Variants in PPP4R3A observed in about 807,000 individuals in gnomAD.
The protein encoded by PPP4R3A is protein phosphatase 4 regulatory subunit 3A.
Under a neutral mutation model 91.7 loss-of-function variants are expected in PPP4R3A, and 15 were observed. The ratio of observed to expected loss-of-function variants is 0.16; its 90% CI spans 0.11 to 0.25. The LOEUF (loss-of-function observed/expected upper bound fraction) is 0.25, where lower values mean the gene tolerates loss of function less well. Among genes scored for constraint, PPP4R3A ranks in the 10% least tolerant of loss-of-function variants. PPP4R3A has a pLI of 1.00. For synonymous variants in PPP4R3A, 377 were observed against 348.7 expected (o/e 1.08, Z -0.91); for missense variants, 623 against 998.4 (o/e 0.62, Z 5.07).
intron 1 of PPP4R3A, among the ~76,000 whole-genome samples, chr14:91,500,043 G>C (rs1029733883): frequency 7.2e-5 from 11 of 152,028 alleles, no homozygotes; most frequent in African/African-American, 2.7e-4. Flanking sequence ...ATTTTTAAAA[G>C]GAAAGGTTTT....
Position 91,462,234 on chromosome 14 carries a change from C to A in PPP4R3A, c.1979G>T (p.Arg660Leu). Reference protein sequence around the residue: ...RQDNPKLDSMRSILRNHRYRR... With the variant: ...RQDNPKLDSMLSILRNHRYRR... ...ATATCTGTGATTCCTCAAAATGGAACGCATACTATGAGTAGGGAAGAAAGA... is the reference window on the plus strand; with the variant it reads ...ATATCTGTGATTCCTCAAAATGGAAAGCATACTATGAGTAGGGAAGAAAGA... Residue 660 changes from arginine (R) to leucine (L), a missense_variant, in exon 13 of 15, where the codon CGT becomes CTT. Physicochemically the swap from Arg to Leu is moderately radical, Grantham distance 102. Coordinates refer to ENST00000554943, the MANE Select transcript of PPP4R3A (RefSeq NM_001366432.2). 5.0e-6 allele frequency: 8 copies of A among 1,584,316 alleles called. No homozygotes were observed. Among genetic ancestry groups the A allele is most frequent in the Admixed American group, 1.9e-5 (1 of 53,464 alleles).
intron 1 of PPP4R3A, among the ~76,000 whole-genome samples, chr14:91,493,367 T>C (rs1328963234): frequency 6.7e-6 from 1 of 150,224 alleles, no homozygotes; most frequent in African/African-American, 2.5e-5. Flanking sequence ...AGGTAGGGCA[T>C]GCCTATAATT....
Position 91,507,404 on chromosome 14 carries a change from T to TTA in PPP4R3A, c.142+2100_142+2101dup, listed in dbSNP as rs1440818961. On this transcript the variant is annotated intron_variant, in intron 1 of 14. Transcript: ENST00000554943. ...ATACTATATAGTATATGTACTATAA[T>TTA]TATATATACTATATAATATATATAC... is the stretch of plus-strand genomic sequence containing the variant. Among the ~76,000 whole-genome samples the TTA allele has an allele frequency of 1.1e-4, 9 of 78,296 alleles. No individual in the cohort carries two copies. The South Asian group carries it at 3.4e-3, about 29-fold the overall frequency. 51.4% of individuals were successfully genotyped at this position (78,296 alleles called of 152,430 possible).
intron 2 of PPP4R3A, among the ~76,000 whole-genome samples, chr14:91,486,143 A>G (rs1053247058): frequency 3.3e-5 from 5 of 151,558 alleles, no homozygotes; most frequent in Non-Finnish European, 5.9e-5. Context: ...TCTTCCCTCT[A>G]TTGTCAGCAG....
In PPP4R3A at chr14:91,462,040, C is replaced by T. The variant is rs2140065502; in HGVS notation, c.2164+9G>A. The T allele has an allele frequency of 1.3e-6, 2 of 1,488,458 alleles. No homozygotes were observed. Among genetic ancestry groups the T allele is most frequent in the Non-Finnish European group, 1.8e-6 (2 of 1,120,014 alleles). 92.2% of individuals were successfully genotyped at this position (1,488,458 alleles called of 1,614,324 possible). On this transcript the variant is annotated intron_variant, in intron 13 of 14. Transcript: ENST00000554943. ...TTAATTTTCTCTTGCCCATTTTTTT[C>T]CAACATACATTTCTTCCTTTCCATG...
rs557743993 is a variant in PPP4R3A at position 91,509,612 on chromosome 14, C to T, written c.36G>A (p.Thr12=). Residue 12 remains threonine (T), a synonymous_variant, in exon 1 of 15, where the codon ACG becomes ACA. Coordinates refer to ENST00000554943, the MANE Select transcript of PPP4R3A (RefSeq NM_001366432.2). ...TDTRRRVKVY[T]LNEDRQWDDR... is the part of the protein sequence containing the mutation. ...CGTCCCACTGCCGGTCCTCGTTGAGCGTGTACACCTTCACCCGCCGCCGGG... is the reference window on the plus strand; with the variant it reads ...CGTCCCACTGCCGGTCCTCGTTGAGTGTGTACACCTTCACCCGCCGCCGGG... The T allele has an allele frequency of 6.2e-7, 1 of 1,602,614 alleles. No homozygotes were observed.
At chr14:91,460,738 A>G (rs761395960) in intron 14 of PPP4R3A, among the ~76,000 whole-genome samples, 8 of 139,506 alleles carry the variant, frequency 5.7e-5, no homozygotes, top group Non-Finnish European at 1.1e-4. Flanking sequence ...CTCCTGCCTC[A>G]GCCTCCAGAG....
intron 1 of PPP4R3A, among the ~76,000 whole-genome samples, chr14:91,507,476 T>TAC (rs1491538493): frequency 3.9e-5 from 5 of 127,574 alleles, no homozygotes; most frequent in Admixed American, 8.4e-5. Flanking sequence ...TTATATATAC[T>TAC]ATAGTTATAT....
chr14:91,496,031 CAACAGATATTTTACA>C (rs1890547912), intron 1 of PPP4R3A, among the ~76,000 whole-genome samples: 2 of 152,110 alleles, frequency 1.3e-5, no homozygotes, highest in African/African-American at 4.8e-5. Context: ...AGAGTAAACA[CAACAGATATTTTACA>C]AACCTGAGTA....
chr14:91,458,389 C>CCATTCTTCTGAGTCTCAA lies in PPP4R3A; in HGVS notation c.*352_*369dup, dbSNP rs1887901846. ...TAGTGAAGAATTATGGCAGAAAGGC[C>CCATTCTTCTGAGTCTCAA]CATTCTTCTGAGTCTCAAACATGGT... On this transcript the variant is annotated 3_prime_UTR_variant, in exon 15 of 15. Transcript: ENST00000554943. 1 of 274,238 alleles carries CCATTCTTCTGAGTCTCAA rather than the reference C, an allele frequency of 3.6e-6. No homozygotes were observed. The highest frequency in any genetic ancestry group is 2.2e-5 in the African/African-American group (1 of 45,326). The allele number at this position is 274,238 out of a possible 1,614,324, so 17.0% of individuals were successfully genotyped here. A position where few individuals can be genotyped will look rare whatever the true frequency, so the allele number is the denominator to read the frequency against.
At chr14:91,468,650 AGAGT>A (rs1290197833) in intron 10 of PPP4R3A, among the ~76,000 whole-genome samples, 1 of 118,820 alleles carries the variant, frequency 8.4e-6, no homozygotes, top group Non-Finnish European at 1.6e-5. Flanking sequence ...CCAAGGCGAC[AGAGT>A]GAGACTCCGT....
At chr14:91,464,064 T>C (rs1479478656) in intron 11 of PPP4R3A, among the ~76,000 whole-genome samples, 1 of 152,222 alleles carries the variant, frequency 6.6e-6, no homozygotes, top group Non-Finnish European at 1.5e-5. Flanking sequence ...GGCTCATGCC[T>C]GTAATCCCAG....
In PPP4R3A at chr14:91,462,088, TATC is replaced by T. The variant is rs758444247; in HGVS notation, c.2122_2124del (p.Asp708del). On this transcript the variant is annotated inframe_deletion, in exon 13 of 15. Coordinates refer to ENST00000554943, the MANE Select transcript of PPP4R3A (RefSeq NM_001366432.2). ...ATGAATTTACTTATTGGATCCATAA[TATC>T]ATCATCATTTTTAGTTTTGTCAGAT... is the stretch of plus-strand genomic sequence containing the variant. 18 of 1,550,394 alleles carry T rather than the reference TATC, an allele frequency of 1.2e-5. No individual in the cohort carries two copies. The highest frequency in any genetic ancestry group is 8.8e-5 in the South Asian group (7 of 79,788).
chr14:91,490,155 T>C (rs1313334763), intron 2 of PPP4R3A, among the ~76,000 whole-genome samples: 1 of 152,182 alleles, frequency 6.6e-6, no homozygotes, highest in Admixed American at 6.5e-5. Flanking sequence ...CGCGCGTGTG[T>C]ACTGAATGAA....
intron 2 of PPP4R3A, among the ~76,000 whole-genome samples, chr14:91,488,227 T>G (rs922477065): frequency 3.3e-5 from 5 of 152,048 alleles, no homozygotes; most frequent in African/African-American, 1.2e-4. Context: ...AATGAAAAAT[T>G]TATCTGCCAA....
chr14:91,500,495 G>A (rs182486773), intron 1 of PPP4R3A, among the ~76,000 whole-genome samples: 1 of 152,160 alleles, frequency 6.6e-6, no homozygotes, highest in Non-Finnish European at 1.5e-5. Context: ...CACCGCGCCT[G>A]GCCTCAATAC....
intron 10 of PPP4R3A, among the ~76,000 whole-genome samples, chr14:91,468,309 TAATGA>T (rs970783210): frequency 6.6e-6 from 1 of 152,134 alleles, no homozygotes; most frequent in African/African-American, 2.4e-5. Flanking sequence ...GCAAGCAAAA[TAATGA>T]AATGATGAAC....
chr14:91,489,680 T>C (rs1890120151), intron 2 of PPP4R3A, among the ~76,000 whole-genome samples: 1 of 152,238 alleles, frequency 6.6e-6, no homozygotes, highest in African/African-American at 2.4e-5. Flanking sequence ...TCAAAACATG[T>C]ATTTAATGTA....
At chr14:91,495,376 G>A (rs923268829) in intron 1 of PPP4R3A, among the ~76,000 whole-genome samples, 3 of 149,404 alleles carry the variant, frequency 2.0e-5, no homozygotes, top group Non-Finnish European at 4.5e-5. Flanking sequence ...GTGCAGTGGC[G>A]TGATCTGAGC....
Sources: allele counts gnomAD v4.1 joint callset (sites outside exome capture counted in the v4.1 genomes callset), GRCh38; gene constraint gnomAD v4.1.1; transcripts MANE v1.5; gene names NCBI Gene and HGNC (gene_info 2026-07-23, HGNC 2026-07-21).